The following ANKFY1 variants were observed in gnomAD, a reference collection of about 807,000 sequenced individuals.
ANKFY1 encodes the protein ankyrin repeat and FYVE domain containing 1.
Under a neutral mutation model 128.3 loss-of-function variants are expected in ANKFY1, and 47 were observed. The ratio of observed to expected loss-of-function variants is 0.37; its 90% CI spans 0.29 to 0.47. The LOEUF is 0.47. Among genes scored for constraint, ANKFY1 ranks in the 20% least tolerant of loss-of-function variants. The probability of loss-of-function intolerance (pLI) is 1.00; values close to 1 mark genes in which losing one functional copy is unlikely to be tolerated. For synonymous variants in ANKFY1, 553 were observed against 601.6 expected, an observed-to-expected ratio of 0.92 and a Z score of 1.18; for missense variants, 1,222 against 1,510.6, an observed-to-expected ratio of 0.81 and a Z score of 3.17.
intron 4 of ANKFY1, among the ~76,000 whole-genome samples, chr17:4,216,115 G>T (rs946454558): frequency 6.6e-6 from 1 of 152,216 alleles, no homozygotes; most frequent in African/African-American, 2.4e-5. Context: ...CTGATTTCAT[G>T]TGGGGCACAG....
rs1484880614 is a variant in ANKFY1 at position 4,181,597 on chromosome 17, A to C, written c.2122-225T>G. Reference sequence around the variant, plus strand: ...TAGGTCCTGTGGGACAGACTTGGGAAGTATAAACAAGTTATGTTTAATTTG... The same window carrying C: ...TAGGTCCTGTGGGACAGACTTGGGACGTATAAACAAGTTATGTTTAATTTG... On this transcript the variant is annotated intron_variant, in intron 15 of 24. Coordinates refer to ENST00000341657, the MANE Select transcript of ANKFY1 (RefSeq NM_001330063.2). The surrounding 1 kb of genome is among the most constrained non-coding windows in gnomAD (Gnocchi z 4.9). Among the ~76,000 whole-genome samples the C allele has an allele frequency of 2.0e-5, 3 of 152,256 alleles. No homozygotes were observed. Among genetic ancestry groups the C allele is most frequent in the South Asian group, 2.1e-4 (1 of 4,834 alleles).
intron 1 of ANKFY1, among the ~76,000 whole-genome samples, chr17:4,248,404 C>G (rs1483503593): frequency 6.6e-6 from 1 of 152,210 alleles, no homozygotes; most frequent in African/African-American, 2.4e-5. Context: ...CAGTTTCATC[C>G]TGAAACTACT....
chr17:4,241,339 GCACAATCTCAGCT>G (rs1967210364), intron 2 of ANKFY1, among the ~76,000 whole-genome samples: 1 of 143,026 alleles, frequency 7.0e-6, no homozygotes, highest in Non-Finnish European at 1.5e-5. Flanking sequence ...GAGTGTAGTG[GCACAATCTCAGCT>G]CACTGCAAGC....
intron 2 of ANKFY1, 104 bp from the exon 3 acceptor site, chr17:4,235,994 T>C (rs930240344): frequency 2.6e-6 from 2 of 770,304 alleles, no homozygotes; most frequent in Middle Eastern, 3.0e-4. Context: ...AACATACATC[T>C]GCAAAAGAAA....
chr17:4,195,574 A>G (rs1055137153), intron 8 of ANKFY1, 103 bp from the exon 9 acceptor site: 43 of 840,082 alleles, frequency 5.1e-5, no homozygotes, highest in African/African-American at 1.7e-5. Flanking sequence ...CACCCGCAAG[A>G]AATCCCACAT....
intron 24 of ANKFY1, among the ~76,000 whole-genome samples, chr17:4,168,501 T>C (rs1003350499): frequency 6.6e-6 from 1 of 152,156 alleles, no homozygotes; most frequent in Non-Finnish European, 1.5e-5. Context: ...TTTTTCCTTT[T>C]TTCTTTTTTG....
intron 3 of ANKFY1, among the ~76,000 whole-genome samples, chr17:4,224,605 A>G (rs1190446724): frequency 2.0e-5 from 3 of 152,136 alleles, no homozygotes; most frequent in Non-Finnish European, 2.9e-5. Context: ...AAGCTAGAGG[A>G]AAAAAAATTT....
intron 1 of ANKFY1, among the ~76,000 whole-genome samples, chr17:4,252,234 C>A (rs1967874233): frequency 6.6e-6 from 1 of 152,060 alleles, no homozygotes; most frequent in Non-Finnish European, 1.5e-5. Context: ...CCACTACACA[C>A]CTACTAGTAT....
intron 1 of ANKFY1, among the ~76,000 whole-genome samples, chr17:4,258,067 C>CA (rs1191843866): frequency 6.6e-6 from 1 of 152,106 alleles, no homozygotes; most frequent in African/African-American, 2.4e-5. Flanking sequence ...AAATAATTCA[C>CA]AAGGAGAAAG....
chr17:4,172,699 A>G lies in ANKFY1; in HGVS notation c.3015-19T>C. 6.2e-7 allele frequency: 1 copy of G among 1,613,184 alleles called. No individual in the cohort carries two copies. Among genetic ancestry groups the G allele is most frequent in the Non-Finnish European group, 8.5e-7 (1 of 1,179,710 alleles). ...CTGGCCTCTGATAAAACAAGTTGGA[A>G]AAGTTAGGAATGTATCTGCCATGGC... On this transcript the variant is annotated intron_variant, in intron 21 of 24. Transcript: ENST00000341657.
intron 1 of ANKFY1, among the ~76,000 whole-genome samples, chr17:4,260,626 A>C (rs1359047165): frequency 6.6e-6 from 1 of 151,344 alleles, no homozygotes; most frequent in Non-Finnish European, 1.5e-5. Context: ...TCCAAAAAAA[A>C]AAAAAAAAAA....
At chr17:4,235,944 T>C (rs1966885483) in intron 2 of ANKFY1, 54 bp from the exon 3 acceptor site, 3 of 1,294,452 alleles carry the variant, frequency 2.3e-6, no homozygotes, top group South Asian at 1.2e-5. Flanking sequence ...TAACTAGGTA[T>C]AGCTAGGATT....
chr17:4,255,418 T>C (rs906014665), intron 1 of ANKFY1, among the ~76,000 whole-genome samples: 22 of 151,952 alleles, frequency 1.4e-4, no homozygotes, highest in African/African-American at 5.3e-4. Context: ...CAGCTAATTT[T>C]TTTGTATTCT....
chr17:4,230,313 G>A (rs1171008262), intron 3 of ANKFY1, among the ~76,000 whole-genome samples: 4 of 152,170 alleles, frequency 2.6e-5, no homozygotes, highest in Non-Finnish European at 5.9e-5. Context: ...CACATTCCAG[G>A]AGAGCTGAAT....
At chr17:4,223,834 T>A in intron 3 of ANKFY1, 3 of 1,226,106 alleles carry the variant, frequency 2.4e-6, no homozygotes, top group Non-Finnish European at 3.5e-6. Context: ...GTCTGACTCT[T>A]CTCTCGCAAT....
At position 4,178,704 on chromosome 17, in the gene ANKFY1, G is replaced by A. The variant is rs995936559; in HGVS notation, c.2598+153C>T. The stretch of plus-strand genomic sequence containing the variant: ...AGCCGGATCTCATCCTGCACGGATG[G>A]GACATCTCAACAGCCACATCTTAGG... On this transcript the variant is annotated intron_variant, in intron 18 of 24. Transcript: ENST00000341657. The surrounding 1 kb of genome is among the most constrained non-coding windows in gnomAD (Gnocchi z 4.1). 2 of 743,892 alleles carry A rather than the reference G, an allele frequency of 2.7e-6. No homozygotes were observed. The highest frequency in any genetic ancestry group is 1.7e-5 in the African/African-American group (1 of 57,386). The allele number at this position is 743,892 out of a possible 1,614,324, so 46.1% of individuals were successfully genotyped here.
At position 4,263,911 on chromosome 17, in the gene ANKFY1, G is replaced by A. The variant is rs925618345; in HGVS notation, c.10+21C>T. Reference sequence around the variant, plus strand: ...CCCACAGCTCCGTGTCTTCCCGCGCGGCTCCACAAAAAAACCCTACCTTCC... The same window carrying A: ...CCCACAGCTCCGTGTCTTCCCGCGCAGCTCCACAAAAAAACCCTACCTTCC... On this transcript the variant is annotated intron_variant, in intron 1 of 24. Transcript: ENST00000341657. 7 of 1,613,748 alleles carry A rather than the reference G, an allele frequency of 4.3e-6. No homozygotes were observed. The African/African-American group carries it at 5.3e-5, about 12-fold the overall frequency.
chr17:4,262,619 C>A (rs114797643), intron 1 of ANKFY1, among the ~76,000 whole-genome samples: 1 of 151,692 alleles, frequency 6.6e-6, no homozygotes, highest in Non-Finnish European at 1.5e-5. Context: ...TGGTGGCGAG[C>A]GCCCCTGGTC....
chr17:4,240,766 A>T (rs1967169507), intron 2 of ANKFY1, among the ~76,000 whole-genome samples: 1 of 152,180 alleles, frequency 6.6e-6, no homozygotes, highest in Non-Finnish European at 1.5e-5. Context: ...TTTACTTCCT[A>T]GAAGACCAAG....
Sources: gnomAD v4.1 joint callset for allele counts (sites outside exome capture counted in the v4.1 genomes callset) on GRCh38, gnomAD v4.1.1 for gene constraint, Gnocchi (gnomAD v3.1) non-coding constraint, MANE v1.5 for transcripts, NCBI Gene and HGNC (gene_info 2026-07-23, HGNC 2026-07-21) for gene names.